Variants in POLR3A observed in about 807,000 individuals in gnomAD.
POLR3A encodes the protein DNA-directed RNA polymerase III subunit RPC1.
A neutral mutation model predicts 152.8 loss-of-function variants in POLR3A; 112 were observed. The ratio of observed to expected loss-of-function variants is 0.73; its 90% CI spans 0.63 to 0.86. The LOEUF (loss-of-function observed/expected upper bound fraction) is 0.86. Ranked by LOEUF, POLR3A falls within the 40% of genes least tolerant of loss-of-function variation. POLR3A has a pLI of 0.00. For missense variants in POLR3A, 1,385 were observed against 1,743.1 expected, an observed-to-expected ratio of 0.79 and a Z score of 3.66; for synonymous variants, 615 against 652.1, an observed-to-expected ratio of 0.94 and a Z score of 0.87.
chr10:77,987,868 T>G (rs1401419901), intron 21 of POLR3A, among the ~76,000 whole-genome samples: 2 of 152,204 alleles, frequency 1.3e-5, no homozygotes, highest in Admixed American at 1.3e-4. Flanking sequence ...TGGCATGGCT[T>G]TAGCCCCACC....
intron 8 of POLR3A, among the ~76,000 whole-genome samples, chr10:78,020,689 G>T (rs1847570952): frequency 6.6e-6 from 1 of 152,126 alleles, no homozygotes; most frequent in Non-Finnish European, 1.5e-5. Context: ...TCGGGAGGCT[G>T]AGGCAGGAGA....
Position 78,008,460 on chromosome 10 carries a change from CAGA to C in POLR3A, c.1910-597_1910-595del, listed in dbSNP as rs796086110. The stretch of plus-strand genomic sequence containing the variant: ...AGAAGACAGCAGAAATCCTGACCTT[CAGA>C]AGAACTCTGCAATTCAGTTCTTCAG... On this transcript the variant is annotated intron_variant, in intron 14 of 30. Transcript: ENST00000372371. Among the ~76,000 whole-genome samples the C allele has an allele frequency of 2.0e-4, 30 of 152,300 alleles. 1 individual carries two copies. The highest frequency in any genetic ancestry group is 7.0e-4 in the African/African-American group (29 of 41,568).
intron 8 of POLR3A, 32 bp downstream of exon 8, chr10:78,021,514 A>T: frequency 6.2e-7 from 1 of 1,612,860 alleles, no homozygotes; most frequent in Admixed American, 1.7e-5. Context: ...TGAATTTAAA[A>T]CAAAGAATTG....
chr10:77,985,432 C>A lies in POLR3A; in HGVS notation c.3072-92G>T, dbSNP rs1405750560. 19 of 981,344 alleles carry A rather than the reference C, an allele frequency of 1.9e-5. 1 individual carries two copies. The highest frequency in any genetic ancestry group is 1.4e-4 in the South Asian group (11 of 77,912). The allele number at this position is 981,344 out of a possible 1,614,324, so 60.8% of individuals were successfully genotyped here. A position where few individuals can be genotyped will look rare whatever the true frequency, so the allele number is the denominator to read the frequency against. On this transcript the variant is annotated intron_variant, in intron 23 of 30. Transcript: ENST00000372371. ...GAGGCTTCTGGTTATCACCTTTCAACAGAGAATATAGATGCTATTAGGGTC... is the reference window on the plus strand; with the variant it reads ...GAGGCTTCTGGTTATCACCTTTCAAAAGAGAATATAGATGCTATTAGGGTC...
chr10:77,985,106 G>C (rs149701700), intron 24 of POLR3A, 64 bp downstream of exon 24: 15 of 1,311,134 alleles, frequency 1.1e-5, no homozygotes, highest in Non-Finnish European at 1.7e-5. Context: ...GTGACACGGG[G>C]ATCATTGTTT....
At chr10:77,992,530 A>G (rs1417194495) in intron 20 of POLR3A, among the ~76,000 whole-genome samples, 2 of 141,626 alleles carry the variant, frequency 1.4e-5, no homozygotes, top group African/African-American at 2.7e-5. Flanking sequence ...GCAACCTCCA[A>G]CTCCCTGGTT....
At chr10:78,005,614 C>A (rs755501385) in intron 15 of POLR3A, among the ~76,000 whole-genome samples, 1 of 152,182 alleles carries the variant, frequency 6.6e-6, no homozygotes, top group African/African-American at 2.4e-5. Flanking sequence ...ACTAATGGGC[C>A]TGGAAAGGCT....
intron 11 of POLR3A, 50 bp downstream of exon 11, chr10:78,013,600 T>A: frequency 6.2e-7 from 1 of 1,601,086 alleles, no homozygotes; most frequent in African/African-American, 1.3e-5. Context: ...TTCCTTTGCC[T>A]CCTTTCAAGG....
chr10:78,009,512 C>A, intron 14 of POLR3A, 25 bp downstream of exon 14: 2 of 1,614,194 alleles, frequency 1.2e-6, no homozygotes, highest in Non-Finnish European at 1.7e-6. Context: ...TCCTCCTTCT[C>A]CCCACCCGAG....
At chr10:78,007,459 T>C (rs1257821768) in intron 15 of POLR3A, among the ~76,000 whole-genome samples, 3 of 152,192 alleles carry the variant, frequency 2.0e-5, no homozygotes, top group Non-Finnish European at 1.5e-5. Flanking sequence ...TAGAAGACCG[T>C]AGGGAGCTAC....
rs370652050 is a variant in POLR3A at position 78,004,908 on chromosome 10, G to T, written c.2075-20C>A. The T allele has an allele frequency of 6.2e-6, 10 of 1,610,590 alleles. No individual in the cohort carries two copies. In the Admixed American group the frequency reaches 1.5e-4, roughly 24 times the overall value. On this transcript the variant is annotated intron_variant, in intron 15 of 30. Transcript: ENST00000372371. ...GGTTAGCTGTTGAGTTGGTAGAGCA[G>T]GAAGAAAGGGCCATAAATGAGACTC... is the stretch of plus-strand genomic sequence containing the variant.
rs1185473357 is a variant in POLR3A at position 77,980,123 on chromosome 10, T to C, written c.4024+18A>G. The C allele has an allele frequency of 3.1e-6, 5 of 1,612,138 alleles. No individual in the cohort carries two copies. The Admixed American group carries it at 5.0e-5, about 16-fold the overall frequency. ...TAGTAAAGGCCTTTGATGCTGTTCA[T>C]AGAAACATCAAACCTACCACACACA... is the stretch of plus-strand genomic sequence containing the variant. On this transcript the variant is annotated intron_variant, in intron 30 of 30. Coordinates refer to ENST00000372371, the MANE Select transcript of POLR3A (RefSeq NM_007055.4).
chr10:77,986,507 C>A (rs73298671), intron 21 of POLR3A, among the ~76,000 whole-genome samples: 1 of 152,184 alleles, frequency 6.6e-6, no homozygotes, highest in Middle Eastern at 3.2e-3. Flanking sequence ...CAGCTCAAGA[C>A]AGGTACGACT....
At chr10:78,021,028 C>T (rs534362092) in intron 8 of POLR3A, among the ~76,000 whole-genome samples, 6 of 152,146 alleles carry the variant, frequency 3.9e-5, no homozygotes, top group Admixed American at 1.3e-4. Flanking sequence ...AGTGCATTGA[C>T]GTGATCTTGG....
chr10:77,983,396 AAAG>A (rs1847167857), intron 26 of POLR3A, among the ~76,000 whole-genome samples: 1 of 152,178 alleles, frequency 6.6e-6, no homozygotes, highest in African/African-American at 2.4e-5. Flanking sequence ...TACCCGAGAG[AAAG>A]AAGAGGGTGT....
chr10:78,009,926 A>G lies in POLR3A; in HGVS notation c.1708T>C (p.Ser570Pro), dbSNP rs1359258901. The G allele has an allele frequency of 1.2e-6, 2 of 1,614,088 alleles. No homozygotes were observed. The highest frequency in any genetic ancestry group is 1.7e-6 in the Non-Finnish European group (2 of 1,180,048). Residue 570 changes from serine (S) to proline (P), a missense_variant, in exon 13 of 31, where the codon TCA (serine) becomes CCA (proline). Physicochemically the swap from Ser to Pro is moderately conservative, Grantham distance 74. This residue lies in a region of POLR3A where 188 missense variants were observed against 179.9 expected (regional missense o/e 1.04). Transcript: ENST00000372371. ...TTCTCATCCTTGCCAACCAGTATTG[A>G]AGCAATGATTTGGCAAGCCTTGGCT... ...DRAKACQIIA[S>P]ILVGKDEKIK...
Position 78,025,120 on chromosome 10 carries a change from T to C in POLR3A, c.341A>G (p.His114Arg). ...CTTCTCCTCTTGGGACAGCATGATGTGGCAGCAGGTTTTGCAGATCATCTT... is the reference window on the plus strand; with the variant it reads ...CTTCTCCTCTTGGGACAGCATGATGCGGCAGCAGGTTTTGCAGATCATCTT... ...ILQMICKTCC[H>R]IMLSQEEKKQ... Residue 114 changes from histidine to arginine, a missense_variant, in exon 4 of 31, where the codon CAC becomes CGC. By Grantham distance (29) the His-to-Arg change is conservative. Transcript: ENST00000372371. 6.2e-7 allele frequency: 1 copy of C among 1,614,238 alleles called. No individual in the cohort carries two copies. The highest frequency in any genetic ancestry group is 8.5e-7 in the Non-Finnish European group (1 of 1,180,040).
At position 77,999,716 on chromosome 10, in the gene POLR3A, T is replaced by G. The variant is rs140266088; in HGVS notation, c.2616+265A>C. Reference sequence around the variant, plus strand: ...TGAGGTTGAATGACATATCCCACAATGTACTTCCATCCATGTTCTCCTCTA... The same window carrying G: ...TGAGGTTGAATGACATATCCCACAAGGTACTTCCATCCATGTTCTCCTCTA... On this transcript the variant is annotated intron_variant, in intron 19 of 30. Transcript: ENST00000372371. 6.0e-3 allele frequency among the ~76,000 whole-genome samples: 915 copies of G among 152,324 alleles called. 8 individuals are homozygous for G. The highest frequency in any genetic ancestry group is 0.021 in the African/African-American group (878 of 41,552).
chr10:77,981,600 G>A, intron 28 of POLR3A, 41 bp from the exon 29 acceptor site: 2 of 1,611,786 alleles, frequency 1.2e-6, no homozygotes, highest in Admixed American at 1.7e-5. Flanking sequence ...CCCCTTCCGG[G>A]AGGCCACTGC....
Sources: allele counts gnomAD v4.1 joint callset (sites outside exome capture counted in the v4.1 genomes callset), GRCh38; gene constraint gnomAD v4.1.1; regional missense constraint gnomAD v4.1.1; transcripts MANE v1.5; gene names NCBI Gene and HGNC (gene_info 2026-07-23, HGNC 2026-07-21).